The following ADCY9 variants were observed in gnomAD, a reference collection of about 807,000 sequenced individuals.
ADCY9 encodes adenylate cyclase 9.
In ADCY9, 50 loss-of-function variants were observed where a neutral mutation model predicts 101.5. That is an observed-to-expected ratio of 0.49 (90% CI 0.39 to 0.62). The LOEUF (loss-of-function observed/expected upper bound fraction) is 0.62. Among genes scored for constraint, ADCY9 ranks in the 20% least tolerant of loss-of-function variants. ADCY9 has a pLI of 0.00. For missense variants in ADCY9, 1,662 were observed against 1,800.4 expected, an observed-to-expected ratio of 0.92 and a Z score of 1.39; for synonymous variants, 905 against 769.3, an observed-to-expected ratio of 1.18 and a Z score of -2.92.
chr16:4,010,580 T>A (rs2056397333), intron 2 of ADCY9, among the ~76,000 whole-genome samples: 2 of 152,180 alleles, frequency 1.3e-5, no homozygotes. Context: ...GATGTGTGAC[T>A]ATTTTGGCCG....
At chr16:3,997,176 G>T (rs1345253040) in intron 3 of ADCY9, among the ~76,000 whole-genome samples, 2 of 152,140 alleles carry the variant, frequency 1.3e-5, no homozygotes, top group Non-Finnish European at 2.9e-5. Flanking sequence ...ACCCTCCTGT[G>T]CTTTAAGACG....
chr16:4,015,916 C>T (rs1020370865), intron 2 of ADCY9, among the ~76,000 whole-genome samples: 8 of 151,126 alleles, frequency 5.3e-5, no homozygotes, highest in Non-Finnish European at 8.8e-5. Context: ...TGCAGATAGC[C>T]GAGATCACGC....
At chr16:4,097,549 ATATATTTTT>A (rs1293713028) in intron 2 of ADCY9, among the ~76,000 whole-genome samples, 18 of 48,222 alleles carry the variant, frequency 3.7e-4, no homozygotes, top group African/African-American at 2.0e-3. Flanking sequence ...ATATATATAT[ATATATTTTT>A]TTTTTTTTTT....
chr16:4,115,973 G>C lies in ADCY9; in HGVS notation c.-327C>G, dbSNP rs1232387783. Reference sequence around the variant, plus strand: ...TCAAAGGCGGCGCGCGGCCGGCCCCGGGCCCGGACCCCGACCCGGAGCAGC... The same window carrying C: ...TCAAAGGCGGCGCGCGGCCGGCCCCCGGCCCGGACCCCGACCCGGAGCAGC... On this transcript the variant is annotated 5_prime_UTR_variant, in exon 1 of 11. Coordinates refer to ENST00000294016, the MANE Select transcript of ADCY9 (RefSeq NM_001116.4). The surrounding 1 kb of genome is among the most constrained non-coding windows in gnomAD (Gnocchi z 6.2). 1 of 120 alleles carries C rather than the reference G, an allele frequency of 8.3e-3. No homozygotes were observed. The highest frequency in any genetic ancestry group is 0.17 in the East Asian group (1 of 6). The allele number at this position is 120 out of a possible 1,614,324, so 0.0% of individuals were successfully genotyped here.
At chr16:4,087,940 T>A (rs2056950541) in intron 2 of ADCY9, among the ~76,000 whole-genome samples, 1 of 151,262 alleles carries the variant, frequency 6.6e-6, no homozygotes, top group Non-Finnish European at 1.5e-5. Context: ...CTTCTTCTTT[T>A]TTTTTGTTTT....
chr16:3,970,413 C>G (rs541044073), intron 10 of ADCY9, among the ~76,000 whole-genome samples: 1 of 152,172 alleles, frequency 6.6e-6, no homozygotes, highest in East Asian at 1.9e-4. Flanking sequence ...CTGCAACCTC[C>G]GCTTCCAGGT....
chr16:4,087,892 CCTCT>C (rs772834896), intron 2 of ADCY9, among the ~76,000 whole-genome samples: 2 of 147,058 alleles, frequency 1.4e-5, no homozygotes, highest in South Asian at 2.1e-4. Flanking sequence ...TCGCTCTCTC[CCTCT>C]CTTTCTCCCT....
intron 2 of ADCY9, among the ~76,000 whole-genome samples, chr16:4,035,721 G>A (rs545199898): frequency 3.3e-5 from 5 of 151,922 alleles, no homozygotes; most frequent in East Asian, 1.9e-4. Context: ...CAAGGGGGCC[G>A]GGCACGGTGG....
chr16:3,996,605 G>A (rs535276832), intron 3 of ADCY9, among the ~76,000 whole-genome samples: 4 of 152,294 alleles, frequency 2.6e-5, no homozygotes, highest in South Asian at 2.1e-4. Flanking sequence ...GTGTGGAAGC[G>A]TCTGCTGCAC....
intron 2 of ADCY9, among the ~76,000 whole-genome samples, chr16:4,047,055 T>C (rs780560740): frequency 6.6e-6 from 1 of 152,024 alleles, no homozygotes; most frequent in African/African-American, 2.4e-5. Flanking sequence ...CAAAAAAGAT[T>C]TGTACATAAG....
rs954364422 is a variant in ADCY9 at position 4,006,386 on chromosome 16, A to G, written c.1884+982T>C. The stretch of plus-strand genomic sequence containing the variant: ...GAGTTGACAGAACCCGAGTGCAATC[A>G]TTACGTGTAACTGGGCGACAGGCAC... On this transcript the variant is annotated intron_variant, in intron 3 of 10. Coordinates refer to ENST00000294016, the MANE Select transcript of ADCY9 (RefSeq NM_001116.4). Among the ~76,000 whole-genome samples, 8 of 152,210 alleles carry G rather than the reference A, an allele frequency of 5.3e-5. 1 individual carries two copies. In the South Asian group the frequency reaches 8.3e-4, roughly 16 times the overall value.
In ADCY9 at chr16:4,109,621, C is replaced by T. The variant is rs142692572; in HGVS notation, c.1693+4129G>A. ...AACTTAAAATGCCATTTCCCATTCA[C>T]ATGGTCAAGCCCTTCCCCTCCTGCC... On this transcript the variant is annotated intron_variant, in intron 2 of 10. Transcript: ENST00000294016. Among the ~76,000 whole-genome samples the T allele has an allele frequency of 2.7e-3, 406 of 152,302 alleles. 1 individual carries two copies. The highest frequency in any genetic ancestry group is 4.5e-3 in the Non-Finnish European group (307 of 68,024).
At chr16:3,960,625 C>T (rs1307369741), downstream of ADCY9, among the ~76,000 whole-genome samples, 2 of 152,108 alleles carry the variant, frequency 1.3e-5, no homozygotes, top group Admixed American at 6.5e-5. Context: ...ACTATCAAAG[C>T]CTTTGCGAGC....
intron 3 of ADCY9, among the ~76,000 whole-genome samples, chr16:4,004,689 C>T (rs12149274): frequency 0.088 from 13,468 of 152,248 alleles, 751 homozygotes; most frequent in Admixed American, 0.13. Flanking sequence ...GCAAAGAGCT[C>T]CCAGGAAGAC....
intron 2 of ADCY9, among the ~76,000 whole-genome samples, chr16:4,097,553 A>ATATATATTTTTTTTT (rs1382458827): frequency 9.4e-5 from 5 of 53,416 alleles, no homozygotes; most frequent in African/African-American, 1.7e-4. Context: ...ATATATATAT[A>ATATATATTTTTTTTT]TTTTTTTTTT....
At chr16:3,969,367 C>T (rs1201769779) in intron 10 of ADCY9, among the ~76,000 whole-genome samples, 1 of 150,842 alleles carries the variant, frequency 6.6e-6, no homozygotes, top group Non-Finnish European at 1.5e-5. Context: ...GCGGCCCAGC[C>T]TCCTGAGTAG....
intron 2 of ADCY9, among the ~76,000 whole-genome samples, chr16:4,096,552 A>G (rs1162673197): frequency 6.6e-6 from 1 of 152,246 alleles, no homozygotes; most frequent in African/African-American, 2.4e-5. Context: ...TCACACACAC[A>G]AAAATCACAT....
chr16:4,016,721 A>G (rs559008355), intron 2 of ADCY9, among the ~76,000 whole-genome samples: 1 of 152,372 alleles, frequency 6.6e-6, no homozygotes, highest in South Asian at 2.1e-4. Context: ...TAAAGAAGCC[A>G]GTCCCAAAAG....
At chr16:4,004,924 G>A (rs2056357217) in intron 3 of ADCY9, among the ~76,000 whole-genome samples, 1 of 152,178 alleles carries the variant, frequency 6.6e-6, no homozygotes, top group Non-Finnish European at 1.5e-5. Context: ...ATCTACGCAT[G>A]CTCCTTCAGG....
Sources: allele counts gnomAD v4.1 joint callset (sites outside exome capture counted in the v4.1 genomes callset), GRCh38; gene constraint gnomAD v4.1.1; non-coding constraint Gnocchi (gnomAD v3.1); transcripts MANE v1.5; gene names NCBI Gene and HGNC (gene_info 2026-07-23, HGNC 2026-07-21).